The following CDCA2 variants were observed in gnomAD, a reference collection of about 807,000 sequenced individuals.
CDCA2 encodes cell division cycle-associated protein 2.
CDCA2 carries 44 observed loss-of-function variants against 67.0 expected under a neutral mutation model. The observed-to-expected ratio is 0.66, with a 90% CI of 0.52 to 0.84. CDCA2 has a LOEUF of 0.84. Among genes scored for constraint, CDCA2 ranks in the 40% least tolerant of loss-of-function variants. The pLI is 0.00. For synonymous variants in CDCA2, 447 were observed against 418.7 expected, an observed-to-expected ratio of 1.07 and a Z score of -0.82; for missense variants, 1,253 against 1,203.2, an observed-to-expected ratio of 1.04 and a Z score of -0.61.
intron 8 of CDCA2, among the ~76,000 whole-genome samples, chr8:25,483,182 T>G (rs1443588185): frequency 6.6e-6 from 1 of 152,188 alleles, no homozygotes; most frequent in Non-Finnish European, 1.5e-5. Flanking sequence ...AATTTTGCCC[T>G]AAAATTCTGT....
chr8:25,474,948 G>A (rs998877497), intron 7 of CDCA2, among the ~76,000 whole-genome samples: 2 of 152,152 alleles, frequency 1.3e-5, no homozygotes, highest in African/African-American at 2.4e-5. Flanking sequence ...AGCTGGGGTC[G>A]AGCAGGGACA....
Position 25,462,112 on chromosome 8 carries a change from C to G in CDCA2, c.291C>G (p.Gly97=), listed in dbSNP as rs144489436. The G allele has an allele frequency of 1.2e-6, 2 of 1,614,164 alleles. No homozygotes were observed. The highest frequency in any genetic ancestry group is 1.6e-4 in the Middle Eastern group (1 of 6,062). Residue 97 remains glycine, a synonymous_variant, in exon 4 of 15, where the codon GGC becomes GGG. Coordinates refer to ENST00000330560, the MANE Select transcript of CDCA2 (RefSeq NM_152562.4). ...GACGTTCTGCAGTCGGTGCTCGGGG[C>G]TCTCCTGAAACAAACCATCTGATTC... is the stretch of plus-strand genomic sequence containing the variant. ...CRRRSAVGAR[G]SPETNHLIRF...
At chr8:25,468,453 G>T in intron 6 of CDCA2, 40 bp downstream of exon 6, 1 of 1,549,542 alleles carries the variant, frequency 6.5e-7, no homozygotes, top group Non-Finnish European at 8.8e-7. Context: ...TGAAGTTGTT[G>T]GTTTTCTGCA....
At position 25,495,439 on chromosome 8, in the gene CDCA2, G is replaced by A. The variant is rs906753298; in HGVS notation, c.1671+6750G>A. ...GATAAATCTTTTTTTTTTTGAGATG[G>A]AGTCTTGCTCTGTCACCCAGGCTAG... is the stretch of plus-strand genomic sequence containing the variant. On this transcript the variant is annotated intron_variant, in intron 13 of 14. Transcript: ENST00000330560. Among the ~76,000 whole-genome samples, 10 of 150,456 alleles carry A rather than the reference G, an allele frequency of 6.6e-5. No individual in the cohort carries two copies. The South Asian group carries it at 1.3e-3, about 19-fold the overall frequency.
chr8:25,485,750 T>A lies in CDCA2; in HGVS notation c.1366-9T>A. On this transcript the variant is annotated splice_polypyrimidine_tract_variant and intron_variant, in intron 10 of 14. Coordinates refer to ENST00000330560, the MANE Select transcript of CDCA2 (RefSeq NM_152562.4). ...AAGATATCTAACTTCTGTCTTTTCC[T>A]TTGTTTAGGAAAACATAGAACCACT... is the stretch of plus-strand genomic sequence containing the variant. 2.6e-6 allele frequency: 4 copies of A among 1,564,362 alleles called. No homozygotes were observed. Among genetic ancestry groups the A allele is most frequent in the Non-Finnish European group, 3.5e-6 (4 of 1,147,372 alleles).
At chr8:25,501,411 G>T (rs546666349) in intron 13 of CDCA2, among the ~76,000 whole-genome samples, 2 of 152,100 alleles carry the variant, frequency 1.3e-5, no homozygotes, top group South Asian at 4.1e-4. Context: ...TGACACTCTC[G>T]AAGTCACCAT....
At chr8:25,463,248 T>G (rs1219312995) in intron 4 of CDCA2, among the ~76,000 whole-genome samples, 2 of 152,174 alleles carry the variant, frequency 1.3e-5, no homozygotes, top group African/African-American at 4.8e-5. Flanking sequence ...TATTTAGCTG[T>G]TTTTTCAAAT....
chr8:25,467,792 A>G (rs1347773830), intron 5 of CDCA2, among the ~76,000 whole-genome samples: 1 of 152,132 alleles, frequency 6.6e-6, no homozygotes, highest in African/African-American at 2.4e-5. Flanking sequence ...TTCATTGATA[A>G]TTTAGACTTA....
intron 12 of CDCA2, among the ~76,000 whole-genome samples, chr8:25,488,123 A>G (rs968325590): frequency 1.3e-5 from 2 of 152,204 alleles, no homozygotes; most frequent in Non-Finnish European, 2.9e-5. Flanking sequence ...ATCATAAAGT[A>G]TAAACATATA....
At chr8:25,461,811 A>C (rs942692718) in intron 3 of CDCA2, among the ~76,000 whole-genome samples, 1 of 152,234 alleles carries the variant, frequency 6.6e-6, no homozygotes, top group South Asian at 2.1e-4. Context: ...TATTTATTCA[A>C]CAACTTTTAA....
chr8:25,470,057 A>C (rs1218827365), intron 7 of CDCA2, 77 bp downstream of exon 7: 40 of 962,990 alleles, frequency 4.2e-5, no homozygotes, highest in Non-Finnish European at 5.7e-5. Flanking sequence ...ATTTGCTAAA[A>C]TTTGGGGGAA....
At chr8:25,485,706 T>A in intron 10 of CDCA2, 53 bp from the exon 11 acceptor site, 1 of 1,016,040 alleles carries the variant, frequency 9.8e-7, no homozygotes, top group Non-Finnish European at 1.5e-6. Context: ...TTGGGCACAT[T>A]ATGTATTCAC....
intron 7 of CDCA2, among the ~76,000 whole-genome samples, chr8:25,476,348 T>C (rs1036762629): frequency 2.0e-5 from 3 of 152,170 alleles, no homozygotes; most frequent in Non-Finnish European, 4.4e-5. Context: ...ACCTGGCAGC[T>C]CTACTCATGA....
chr8:25,479,800 G>A (rs1163314795), intron 7 of CDCA2, 113 bp from the exon 8 acceptor site: 3 of 949,684 alleles, frequency 3.2e-6, no homozygotes, highest in Non-Finnish European at 4.8e-6. Flanking sequence ...GGTTATATTA[G>A]GTTTGAATTT....
chr8:25,485,890 T>C (rs952700668), intron 11 of CDCA2, 53 bp downstream of exon 11: 1 of 1,055,672 alleles, frequency 9.5e-7, no homozygotes, highest in Non-Finnish European at 1.4e-6. Flanking sequence ...TATGTGTATA[T>C]GTTGATTATT....
intron 7 of CDCA2, among the ~76,000 whole-genome samples, chr8:25,476,012 T>G (rs1803334309): frequency 6.6e-6 from 1 of 152,218 alleles, no homozygotes; most frequent in African/African-American, 2.4e-5. Flanking sequence ...GGGAATTCTC[T>G]GTGTGTGGCA....
chr8:25,462,179 TCTC>T lies in CDCA2; in HGVS notation c.361_363del (p.Pro121del). On this transcript the variant is annotated inframe_deletion, in exon 4 of 15. Transcript: ENST00000330560. Reference sequence around the variant, plus strand: ...GCAAAATATAAAGAATGCTAGGAAATCTCCTTTGGCACAAGATTCTCCTTCCCA... The same window carrying T: ...GCAAAATATAAAGAATGCTAGGAAATCTTTGGCACAAGATTCTCCTTCCCA... 4 of 1,614,118 alleles carry T rather than the reference TCTC, an allele frequency of 2.5e-6. No individual in the cohort carries two copies. The highest frequency in any genetic ancestry group is 3.4e-6 in the Non-Finnish European group (4 of 1,179,974).
chr8:25,479,954 G>A lies in CDCA2; in HGVS notation c.862G>A (p.Asp288Asn), dbSNP rs141065223. 2 of 1,614,058 alleles carry A rather than the reference G, an allele frequency of 1.2e-6. No individual in the cohort carries two copies. The highest frequency in any genetic ancestry group is 2.2e-5 in the South Asian group (2 of 91,078). ...CTGTGTAGTGGGCAAAGGATCAAGT[G>A]ATGCCGTTTCGCCTGACACGTTCAC... ...ADCVVGKGSS[D>N]AVSPDTFTAE... Residue 288 changes from aspartate (D) to asparagine (N), a missense_variant, in exon 8 of 15, where the codon GAT becomes AAT. Physicochemically the swap from Asp to Asn is conservative, Grantham distance 23. Coordinates refer to ENST00000330560, the MANE Select transcript of CDCA2 (RefSeq NM_152562.4).
chr8:25,485,083 G>T (rs994625571), intron 10 of CDCA2, among the ~76,000 whole-genome samples: 18 of 141,464 alleles, frequency 1.3e-4, no homozygotes, highest in African/African-American at 4.9e-4. Flanking sequence ...ACAGAAATAC[G>T]ATCATCTGAG....
Sources: allele counts gnomAD v4.1 joint callset (sites outside exome capture counted in the v4.1 genomes callset), GRCh38; gene constraint gnomAD v4.1.1; transcripts MANE v1.5; gene names NCBI Gene and HGNC (gene_info 2026-07-23, HGNC 2026-07-21).